PCDHB3: variants seen among roughly 807,000 people sequenced by gnomAD.
PCDHB3 encodes protocadherin beta-3.
For synonymous variants in PCDHB3, 479 were observed against 456.0 expected (o/e 1.05, Z -0.64); for missense variants, 967 against 1,012.1 (o/e 0.96, Z 0.60).
At position 141,100,858 on chromosome 5, in the gene PCDHB3, G is replaced by A. The variant is rs201559467; in HGVS notation, c.209G>A (p.Gly70Glu). The change falls in exon 1 of 1, where the codon GGG (glycine) becomes GAG (glutamate). Residue 70 changes from glycine to glutamate, a missense_variant. Transcript: ENST00000231130. ...AGGGGGGCCCAAGTTGTGTCCAAAGGGAACAAACAGCATTTTCAGCTCAGT... is the reference window on the plus strand; with the variant it reads ...AGGGGGGCCCAAGTTGTGTCCAAAGAGAACAAACAGCATTTTCAGCTCAGT... ...AARGAQVVSK[G>E]NKQHFQLSHQ... is the part of the protein sequence containing the mutation. The A allele has an allele frequency of 1.2e-4, 193 of 1,614,038 alleles. 2 individuals carry two copies. In the African/African-American group the frequency reaches 2.0e-3, roughly 17 times the overall value.
Position 141,102,794 on chromosome 5 carries a change from G to A in PCDHB3, c.2145G>A (p.Arg715=), listed in dbSNP as rs1476729235. 6.2e-7 allele frequency: 1 copy of A among 1,612,274 alleles called. No individual in the cohort carries two copies. The highest frequency in any genetic ancestry group is 8.5e-7 in the Non-Finnish European group (1 of 1,179,826). The part of the protein sequence containing the change: ...VLLFVAVRLC[R]RSRAASVGRC... The stretch of plus-strand genomic sequence containing the variant: ...TGTTCGTGGCGGTGCGGCTGTGCAG[G>A]AGGAGCAGGGCGGCCTCGGTGGGTC... The change falls in exon 1 of 1, where the codon AGG becomes AGA. Residue 715 remains arginine (R), a synonymous_variant. Coordinates refer to ENST00000231130, the MANE Select transcript of PCDHB3 (RefSeq NM_018937.5).
In PCDHB3 at chr5:141,102,195, C is replaced by T. The variant is rs781895247; in HGVS notation, c.1546C>T (p.Leu516Phe). Residue 516 changes from leucine (L) to phenylalanine (F), a missense_variant, in exon 1 of 1, where the codon CTC becomes TTC. By Grantham distance (22) the Leu-to-Phe change is conservative. Coordinates refer to ENST00000231130, the MANE Select transcript of PCDHB3 (RefSeq NM_018937.5). ...INADNGHLFALRSLDYEALQA... is the reference protein window; with the variant it reads ...INADNGHLFAFRSLDYEALQA... ...CGCGGACAACGGCCACCTGTTTGCC[C>T]TCAGGTCGCTGGACTACGAGGCCCT... is the stretch of plus-strand genomic sequence containing the variant. 7 of 1,612,800 alleles carry T rather than the reference C, an allele frequency of 4.3e-6. No homozygotes were observed. The highest frequency in any genetic ancestry group is 2.5e-6 in the Non-Finnish European group (3 of 1,179,938).
chr5:141,101,070 A>G lies in PCDHB3; in HGVS notation c.421A>G (p.Lys141Glu). 6.2e-7 allele frequency: 1 copy of G among 1,614,206 alleles called. No homozygotes were observed. Among genetic ancestry groups the G allele is most frequent in the Non-Finnish European group, 8.5e-7 (1 of 1,180,040 alleles). The change falls in exon 1 of 1, where the codon AAA (lysine) becomes GAA (glutamate). Residue 141 changes from lysine to glutamate, a missense_variant. Transcript: ENST00000231130. ...ATTCTTTGAAAATGAAATGCATCTG[A>G]AAATCCTAGAAAGCACTCTGCCAGG... ...PVFFENEMHL[K>E]ILESTLPGTV... is the part of the protein sequence containing the mutation.
Position 141,102,579 on chromosome 5 carries a change from G to T in PCDHB3, c.1930G>T (p.Val644Phe). The T allele has an allele frequency of 6.2e-7, 1 of 1,608,746 alleles. No individual in the cohort carries two copies. The highest frequency in any genetic ancestry group is 8.5e-7 in the Non-Finnish European group (1 of 1,179,674). Residue 644 changes from valine to phenylalanine, a missense_variant, in exon 1 of 1, where the codon GTC (valine) becomes TTC (phenylalanine). By Grantham distance (50) the Val-to-Phe change is conservative. Coordinates refer to ENST00000231130, the MANE Select transcript of PCDHB3 (RefSeq NM_018937.5). ...DAAKHRLVVL[V>F]KDNGEPPRSA... ...GGCCAAGCACAGGCTGGTGGTGCTGGTCAAGGACAATGGCGAGCCTCCGCG... is the reference window on the plus strand; with the variant it reads ...GGCCAAGCACAGGCTGGTGGTGCTGTTCAAGGACAATGGCGAGCCTCCGCG...
In PCDHB3 at chr5:141,100,559, C is replaced by A; in HGVS notation, c.-91C>A. 1 of 1,044,114 alleles carries A rather than the reference C, an allele frequency of 9.6e-7. No homozygotes were observed. 64.7% of individuals were successfully genotyped at this position (1,044,114 alleles called of 1,614,324 possible). Reference sequence around the variant, plus strand: ...TGGAAAGGCTTATTCACTAGGCCGTCTACAAAGGTTGTGGGGCAAAAGACT... The same window carrying A: ...TGGAAAGGCTTATTCACTAGGCCGTATACAAAGGTTGTGGGGCAAAAGACT... On this transcript the variant is annotated 5_prime_UTR_variant, in exon 1 of 1. Transcript: ENST00000231130.
At position 141,101,873 on chromosome 5, in the gene PCDHB3, G is replaced by A. The variant is rs148393743; in HGVS notation, c.1224G>A (p.Ala408=). 4.4e-5 allele frequency: 71 copies of A among 1,614,022 alleles called. 1 individual carries two copies. The highest frequency in any genetic ancestry group is 2.0e-4 in the African/African-American group (15 of 74,908). ...ENFYTLVSEG[A]LDRETRSEYN... is the part of the protein sequence containing the mutation. ...TTTACACCCTAGTGTCAGAAGGCGC[G>A]CTGGACAGAGAGACCAGATCCGAGT... Residue 408 remains alanine, a synonymous_variant, in exon 1 of 1, where the codon GCG becomes GCA. Transcript: ENST00000231130.
In PCDHB3 at chr5:141,102,389, T is replaced by C. The variant is rs781915924; in HGVS notation, c.1740T>C (p.Ala580=). The change falls in exon 1 of 1, where the codon GCT becomes GCC. Residue 580 remains alanine, a synonymous_variant. Transcript: ENST00000231130. ...GCACCGAGCTGGTGCCCCGGGCGGC[T>C]GAGCCGGGCTACCTGGTGACCAAGG... is the stretch of plus-strand genomic sequence containing the variant. ...APCTELVPRA[A]EPGYLVTKVV... The C allele has an allele frequency of 5.4e-4, 852 of 1,569,736 alleles. 6 individuals are homozygous for C. The East Asian group carries it at 6.1e-3, about 11-fold the overall frequency.
chr5:141,101,807 GA>G lies in PCDHB3; in HGVS notation c.1160del (p.Asn387ThrfsTer7), dbSNP rs782165840. 78 of 1,613,948 alleles carry G rather than the reference GA, an allele frequency of 4.8e-5. No homozygotes were observed. The highest frequency in any genetic ancestry group is 6.6e-5 in the Non-Finnish European group (78 of 1,180,026). On this transcript the variant is annotated frameshift_variant, in exon 1 of 1. Transcript: ENST00000231130. LOFTEE classifies it low-confidence loss of function (END_TRUNC). ...DNGRVMCSIE[N>X]NLPFFLKPSV... The stretch of plus-strand genomic sequence containing the variant: ...ACGGAAGAGTGATGTGTTCCATTGA[GA>G]ACAATCTCCCCTTCTTCCTGAAACC...
chr5:141,103,185 T>G lies in PCDHB3; in HGVS notation c.*145T>G, dbSNP rs1752006030. The G allele has an allele frequency of 1.1e-6, 1 of 894,262 alleles. No individual in the cohort carries two copies. Among genetic ancestry groups the G allele is most frequent in the South Asian group, 1.8e-5 (1 of 55,242 alleles). 55.4% of individuals were successfully genotyped at this position (894,262 alleles called of 1,614,324 possible). On this transcript the variant is annotated 3_prime_UTR_variant, in exon 1 of 1. Coordinates refer to ENST00000231130, the MANE Select transcript of PCDHB3 (RefSeq NM_018937.5). ...CAAAATATCAAATCCAGGGATGGCTTAGGTTTCATTAACAGTACTGGAAAG... is the reference window on the plus strand; with the variant it reads ...CAAAATATCAAATCCAGGGATGGCTGAGGTTTCATTAACAGTACTGGAAAG...
At position 141,101,150 on chromosome 5, in the gene PCDHB3, C is replaced by G; in HGVS notation, c.501C>G (p.Leu167=). 1.2e-6 allele frequency: 2 copies of G among 1,614,124 alleles called. No individual in the cohort carries two copies. Among genetic ancestry groups the G allele is most frequent in the South Asian group, 1.1e-5 (1 of 91,086 alleles). Residue 167 remains leucine (L), a synonymous_variant, in exon 1 of 1, where the codon CTC becomes CTG. Transcript: ENST00000231130. ...ACTTGGATGTGGGAAGAAACAGCCTCCAAAACTACACTATCACTCCGAATT... is the reference window on the plus strand; with the variant it reads ...ACTTGGATGTGGGAAGAAACAGCCTGCAAAACTACACTATCACTCCGAATT... ...AEDLDVGRNS[L]QNYTITPNSH...
Position 141,101,089 on chromosome 5 carries a change from T to C in PCDHB3, c.440T>C (p.Leu147Pro), listed in dbSNP as rs782340205. Residue 147 changes from leucine to proline, a missense_variant, in exon 1 of 1, where the codon CTG becomes CCG. By Grantham distance (98) the Leu-to-Pro change is moderately conservative. Transcript: ENST00000231130. ...EMHLKILEST[L>P]PGTVIPLGNA... ...CATCTGAAAATCCTAGAAAGCACTC[T>C]GCCAGGAACAGTAATTCCTTTGGGA... 6 of 1,614,076 alleles carry C rather than the reference T, an allele frequency of 3.7e-6. No homozygotes were observed. In the African/African-American group the frequency reaches 8.0e-5, roughly 22 times the overall value.
In PCDHB3 at chr5:141,101,121, G is replaced by T; in HGVS notation, c.472G>T (p.Glu158Ter). The T allele has an allele frequency of 1.9e-6, 3 of 1,614,184 alleles. No homozygotes were observed. The highest frequency in any genetic ancestry group is 2.5e-6 in the Non-Finnish European group (3 of 1,180,042). Residue 158 changes from glutamate (E) to a stop codon, truncating the protein, a stop_gained, in exon 1 of 1, where the codon GAG becomes TAG. Transcript: ENST00000231130. LOFTEE classifies it low-confidence loss of function (END_TRUNC). ...PGTVIPLGNA[E>*]DLDVGRNSLQ... is the part of the protein sequence containing the mutation. ...AACAGTAATTCCTTTGGGAAATGCT[G>T]AGGACTTGGATGTGGGAAGAAACAG...
rs1751962153 is a variant in PCDHB3 at position 141,102,080 on chromosome 5, C to A, written c.1431C>A (p.Asp477Glu). Residue 477 changes from aspartate (D) to glutamate (E), a missense_variant, in exon 1 of 1, where the codon GAC becomes GAA. Transcript: ENST00000231130. ...ACATCGGCAGTGTCAGCGCCACAGACAGAGACTCAGGCACCAACGCCCAGG... is the reference window on the plus strand; with the variant it reads ...ACATCGGCAGTGTCAGCGCCACAGAAAGAGACTCAGGCACCAACGCCCAGG... Reference protein sequence around the residue: ...ALHIGSVSATDRDSGTNAQVT... With the variant: ...ALHIGSVSATERDSGTNAQVT... The A allele has an allele frequency of 6.2e-7, 1 of 1,612,922 alleles. No homozygotes were observed. The highest frequency in any genetic ancestry group is 8.5e-7 in the Non-Finnish European group (1 of 1,180,036).
chr5:141,102,233 G>C lies in PCDHB3; in HGVS notation c.1584G>C (p.Glu528Asp), dbSNP rs1751969523. The C allele has an allele frequency of 1.9e-6, 3 of 1,612,538 alleles. No homozygotes were observed. Among genetic ancestry groups the C allele is most frequent in the Non-Finnish European group, 2.5e-6 (3 of 1,179,890 alleles). Residue 528 changes from glutamate (E) to aspartate (D), a missense_variant, in exon 1 of 1, where the codon GAG becomes GAC. Transcript: ENST00000231130. ...ACTACGAGGCCCTGCAGGCGTTCGA[G>C]TTCCGCGTGGGCGCCACAGACCGTG... ...SLDYEALQAF[E>D]FRVGATDRGS...
In PCDHB3 at chr5:141,103,035, A is replaced by G; in HGVS notation, c.2386A>G (p.Ser796Gly). 6.2e-7 allele frequency: 1 copy of G among 1,607,330 alleles called. No individual in the cohort carries two copies. The highest frequency in any genetic ancestry group is 2.2e-5 in the East Asian group (1 of 44,856). Residue 796 changes from serine to glycine, a missense_variant, in exon 1 of 1, where the codon AGT becomes GGT. Physicochemically the swap from Ser to Gly is moderately conservative, Grantham distance 56. Coordinates refer to ENST00000231130, the MANE Select transcript of PCDHB3 (RefSeq NM_018937.5). ...NPSFRKSFEF[S>G] is the part of the protein sequence containing the mutation. ...CAGTTTCAGGAAGAGCTTTGAATTC[A>G]GTTAAGTGTTAATAAGGATCTACTG...
rs148868453 is a variant in PCDHB3 at position 141,103,036 on chromosome 5, G to C, written c.2387G>C (p.Ser796Thr). 2,084 of 1,606,540 alleles carry C rather than the reference G, an allele frequency of 1.3e-3. 5 individuals carry two copies. Among genetic ancestry groups the C allele is most frequent in the Non-Finnish European group, 1.6e-3 (1,881 of 1,175,964 alleles). The part of the protein sequence containing the change: ...NPSFRKSFEF[S>T] ...AGTTTCAGGAAGAGCTTTGAATTCAGTTAAGTGTTAATAAGGATCTACTGA... is the reference window on the plus strand; with the variant it reads ...AGTTTCAGGAAGAGCTTTGAATTCACTTAAGTGTTAATAAGGATCTACTGA... Residue 796 changes from serine to threonine, a missense_variant, in exon 1 of 1, where the codon AGT (serine) becomes ACT (threonine). Coordinates refer to ENST00000231130, the MANE Select transcript of PCDHB3 (RefSeq NM_018937.5).
Position 141,102,583 on chromosome 5 carries a change from A to C in PCDHB3, c.1934A>C (p.Lys645Thr), listed in dbSNP as rs782672654. Residue 645 changes from lysine to threonine, a missense_variant, in exon 1 of 1, where the codon AAG becomes ACG. Lys to Thr is a moderately conservative substitution (Grantham distance 78). Transcript: ENST00000231130. ...AAKHRLVVLV[K>T]DNGEPPRSAT... ...AAGCACAGGCTGGTGGTGCTGGTCA[A>C]GGACAATGGCGAGCCTCCGCGCTCG... 4 of 1,608,818 alleles carry C rather than the reference A, an allele frequency of 2.5e-6. No homozygotes were observed. Among genetic ancestry groups the C allele is most frequent in the Non-Finnish European group, 2.5e-6 (3 of 1,179,688 alleles).
At position 141,101,552 on chromosome 5, in the gene PCDHB3, G is replaced by A; in HGVS notation, c.903G>A (p.Met301Ile). The A allele has an allele frequency of 6.2e-7, 1 of 1,614,134 alleles. No homozygotes were observed. Among genetic ancestry groups the A allele is most frequent in the Non-Finnish European group, 8.5e-7 (1 of 1,180,010 alleles). ...AGCTAAATCCAATTACTGGTGATATGCAACTGGTCAAATATTTGAATTTTG... is the reference window on the plus strand; with the variant it reads ...AGCTAAATCCAATTACTGGTGATATACAACTGGTCAAATATTTGAATTTTG... ...TFQLNPITGD[M>I]QLVKYLNFEA... Residue 301 changes from methionine (M) to isoleucine (I), a missense_variant, in exon 1 of 1, where the codon ATG becomes ATA. Physicochemically the swap from Met to Ile is conservative, Grantham distance 10 (BLOSUM62 1). Coordinates refer to ENST00000231130, the MANE Select transcript of PCDHB3 (RefSeq NM_018937.5).
chr5:141,103,086 A>C lies in PCDHB3; in HGVS notation c.*46A>C, dbSNP rs782436670. On this transcript the variant is annotated 3_prime_UTR_variant, in exon 1 of 1. Transcript: ENST00000231130. ...AGCCTCGTCTTAGTTAATCTGTGGA[A>C]AGTCCTTTTTTACTGCTTTGTCCAT... 1 of 1,552,704 alleles carries C rather than the reference A, an allele frequency of 6.4e-7. No homozygotes were observed.
Sources: allele counts gnomAD v4.1 joint callset, GRCh38; gene constraint gnomAD v4.1.1; transcripts MANE v1.5; gene names NCBI Gene and HGNC (gene_info 2026-07-23, HGNC 2026-07-21).